The following SPRED2 variants were observed in gnomAD, a reference collection of about 807,000 sequenced individuals.
The protein encoded by SPRED2 is sprouty-related, EVH1 domain-containing protein 2.
In SPRED2, 47 loss-of-function variants were observed where a neutral mutation model predicts 43.0. The observed-to-expected ratio is 1.09, with a 90% CI of 0.87 to 1.40. The LOEUF (loss-of-function observed/expected upper bound fraction) is 1.40, where lower values mean the gene tolerates loss of function less well. Among genes scored for constraint, SPRED2 ranks in the 40% most tolerant of loss-of-function variants. The probability of loss-of-function intolerance (pLI) is 0.00; values close to 1 mark genes in which losing one functional copy is unlikely to be tolerated. For synonymous variants in SPRED2, 225 were observed against 225.7 expected, an observed-to-expected ratio of 1.00 and a Z score of 0.03; for missense variants, 561 against 586.4, an observed-to-expected ratio of 0.96 and a Z score of 0.45.
chr2:65,381,559 G>GT (rs1329434625), intron 1 of SPRED2, among the ~76,000 whole-genome samples: 13 of 152,338 alleles, frequency 8.5e-5, no homozygotes, highest in African/African-American at 2.9e-4. Flanking sequence ...ACTTTGCATA[G>GT]TACCTTCATA....
chr2:65,317,513 A>AAACAACAAC (rs200353741), intron 4 of SPRED2, among the ~76,000 whole-genome samples: 25 of 147,368 alleles, frequency 1.7e-4, no homozygotes, highest in African/African-American at 6.3e-4. Flanking sequence ...ACTCCATCTC[A>AAACAACAAC]AACAACAACA....
chr2:65,313,746 G>A lies in SPRED2; in HGVS notation c.1012C>T (p.Arg338Cys). ...DAPDSVRTCI[R>C]RVSCMWCADS... ...GCGCACCACATGCAGCTCACCCGGC[G>A]GATGCAAGTTCTCACGGAGTCGGGC... Residue 338 changes from arginine to cysteine, a missense_variant, in exon 6 of 6, where the codon CGC becomes TGC. By Grantham distance (180) the Arg-to-Cys change is radical. Transcript: ENST00000356388. 1.2e-6 allele frequency: 2 copies of A among 1,614,198 alleles called. No homozygotes were observed. The highest frequency in any genetic ancestry group is 1.7e-6 in the Non-Finnish European group (2 of 1,180,028).
At chr2:65,406,261 AG>A (rs1294661627) in intron 1 of SPRED2, among the ~76,000 whole-genome samples, 1 of 152,178 alleles carries the variant, frequency 6.6e-6, no homozygotes, top group Admixed American at 6.5e-5. Flanking sequence ...AATGCTGAGA[AG>A]CCAGGATTTC....
At chr2:65,368,255 C>G (rs1675035099) in intron 1 of SPRED2, among the ~76,000 whole-genome samples, 1 of 152,202 alleles carries the variant, frequency 6.6e-6, no homozygotes, top group African/African-American at 2.4e-5. Flanking sequence ...ATGGTTGGGA[C>G]AGTCCCATCC....
intron 1 of SPRED2, among the ~76,000 whole-genome samples, chr2:65,415,544 C>T (rs1676253628): frequency 6.6e-6 from 1 of 152,108 alleles, no homozygotes; most frequent in African/African-American, 2.4e-5. Context: ...CATTTTAAAA[C>T]ACCTCTATAT....
intron 1 of SPRED2, among the ~76,000 whole-genome samples, chr2:65,353,507 C>G (rs1349700504): frequency 1.3e-5 from 2 of 152,192 alleles, no homozygotes; most frequent in African/African-American, 2.4e-5. Context: ...CCAGTATTAA[C>G]AAGTCAAAGT....
intron 1 of SPRED2, among the ~76,000 whole-genome samples, chr2:65,417,339 T>C (rs987201794): frequency 2.0e-5 from 3 of 152,152 alleles, no homozygotes; most frequent in African/African-American, 7.2e-5. Context: ...CCACCTTCTC[T>C]CTCCCAGGAT....
At chr2:65,344,301 TTC>T in intron 2 of SPRED2, 1 of 255,910 alleles carries the variant, frequency 3.9e-6, no homozygotes, top group South Asian at 4.3e-5. Flanking sequence ...CATCTTGCCT[TTC>T]TGTTTTACCT....
Position 65,432,031 on chromosome 2 carries a change from C to T in SPRED2, c.-44G>A, listed in dbSNP as rs1320237362. The T allele has an allele frequency of 1.2e-6, 2 of 1,613,050 alleles. No homozygotes were observed. Among genetic ancestry groups the T allele is most frequent in the Non-Finnish European group, 1.7e-6 (2 of 1,179,620 alleles). The stretch of plus-strand genomic sequence containing the variant: ...GCCTGTCCCGCGGCGGGCAGCTTTG[C>T]TCCCTTCATCTTCCTGTCCGCTCGC... On this transcript the variant is annotated 5_prime_UTR_variant, in exon 1 of 6. Transcript: ENST00000356388.
At chr2:65,319,063 A>G (rs1357161804) in intron 4 of SPRED2, among the ~76,000 whole-genome samples, 1 of 152,246 alleles carries the variant, frequency 6.6e-6, no homozygotes, top group African/African-American at 2.4e-5. Flanking sequence ...AAAGTAGTAC[A>G]TACTTAGAAA....
At chr2:65,349,041 G>A (rs1250864848) in intron 1 of SPRED2, among the ~76,000 whole-genome samples, 4 of 152,118 alleles carry the variant, frequency 2.6e-5, no homozygotes, top group African/African-American at 9.7e-5. Flanking sequence ...GGGCGCAGTG[G>A]CTCACGCCTG....
At chr2:65,326,234 A>G (rs1443375886) in intron 4 of SPRED2, among the ~76,000 whole-genome samples, 1 of 151,968 alleles carries the variant, frequency 6.6e-6, no homozygotes, top group Non-Finnish European at 1.5e-5. Context: ...CCCCGTATAT[A>G]ATATTCGTTC....
At chr2:65,377,620 T>C (rs1428564664) in intron 1 of SPRED2, 5 of 471,096 alleles carry the variant, frequency 1.1e-5, no homozygotes, top group African/African-American at 8.0e-5. Context: ...CACCCCCTCC[T>C]TTCCTGGTCA....
At chr2:65,390,819 C>A (rs1675616523) in intron 1 of SPRED2, among the ~76,000 whole-genome samples, 1 of 152,190 alleles carries the variant, frequency 6.6e-6, no homozygotes. Context: ...AGCACAGTGG[C>A]TCATGCCTGT....
chr2:65,327,152 G>A (rs140730159), intron 4 of SPRED2, among the ~76,000 whole-genome samples: 2 of 152,174 alleles, frequency 1.3e-5, no homozygotes, highest in East Asian at 1.9e-4. Context: ...CACCATGCAC[G>A]GCCTCTAAAT....
At chr2:65,431,190 C>T (rs1390579571) in intron 1 of SPRED2, among the ~76,000 whole-genome samples, 4 of 151,590 alleles carry the variant, frequency 2.6e-5, no homozygotes, top group African/African-American at 4.9e-5. Context: ...CAAGCCCGTG[C>T]ACGCGCACCC....
intron 5 of SPRED2, 108 bp downstream of exon 5, chr2:65,316,626 A>G: frequency 2.3e-6 from 3 of 1,322,034 alleles, no homozygotes; most frequent in Non-Finnish European, 3.1e-6. Flanking sequence ...AGGCAGGAGC[A>G]GGAGAGGCCT....
chr2:65,341,336 G>A (rs1447997785), intron 2 of SPRED2, among the ~76,000 whole-genome samples: 1 of 151,540 alleles, frequency 6.6e-6, no homozygotes, highest in African/African-American at 2.4e-5. Context: ...AAGGGGACAG[G>A]AAAAGGGGTG....
chr2:65,401,937 G>GCGCACACACACA lies in SPRED2; in HGVS notation c.26+30024_26+30025insTGTGTGTGTGCG, dbSNP rs776512353. Among the ~76,000 whole-genome samples, 589 of 114,750 alleles carry GCGCACACACACA rather than the reference G, an allele frequency of 5.1e-3. 3 individuals are homozygous for GCGCACACACACA. The highest frequency in any genetic ancestry group is 7.4e-3 in the Non-Finnish European group (396 of 53,644). 75.3% of individuals were successfully genotyped at this position (114,750 alleles called of 152,430 possible). ...ACGATCAGAATATTAGCGCGCGCGC[G>GCGCACACACACA]CACACACACACACACACACACACAC... is the stretch of plus-strand genomic sequence containing the variant. On this transcript the variant is annotated intron_variant, in intron 1 of 5. Transcript: ENST00000356388.
Sources: allele counts gnomAD v4.1 joint callset (sites outside exome capture counted in the v4.1 genomes callset), GRCh38; gene constraint gnomAD v4.1.1; transcripts MANE v1.5; gene names NCBI Gene and HGNC (gene_info 2026-07-23, HGNC 2026-07-21).